PCDHGA11: variants seen among roughly 807,000 people sequenced by gnomAD.
PCDHGA11 encodes the protein protocadherin gamma subfamily A, 11.
PCDHGA11 carries 39 observed loss-of-function variants against 60.4 expected under a neutral mutation model. The ratio of observed to expected loss-of-function variants is 0.65; its 90% CI spans 0.50 to 0.84. The LOEUF is 0.84. Among genes scored for constraint, PCDHGA11 ranks in the 40% least tolerant of loss-of-function variants. The pLI is 0.00. For missense variants in PCDHGA11, 1,165 were observed against 1,197.7 expected (o/e 0.97, Z 0.40); for synonymous variants, 533 against 510.3 (o/e 1.04, Z -0.60).
At chr5:141,473,002 GAA>G (rs2099311273) in intron 1 of PCDHGA11, among the ~76,000 whole-genome samples, 1 of 143,872 alleles carries the variant, frequency 7.0e-6, no homozygotes, top group East Asian at 2.0e-4. Flanking sequence ...AAAAAAGAAA[GAA>G]AAAGAAAAAG....
chr5:141,472,465 A>C (rs886879646), intron 1 of PCDHGA11, among the ~76,000 whole-genome samples: 4 of 152,032 alleles, frequency 2.6e-5, no homozygotes, highest in Non-Finnish European at 5.9e-5. Flanking sequence ...GCTTGAACCC[A>C]GAAGGCAGAG....
At position 141,431,365 on chromosome 5, in the gene PCDHGA11, C is replaced by T. The variant is rs2097365932; in HGVS notation, c.2433+7705C>T. ...TGGTGCTGAAACGCGCCCTGGACCG[C>T]GAAGAAAAGGCTGCTCACCACCTGG... On this transcript the variant is annotated intron_variant, in intron 1 of 3. Coordinates refer to ENST00000398587, the MANE Select transcript of PCDHGA11 (RefSeq NM_018914.3). The surrounding 1 kb of genome is among the most constrained non-coding windows in gnomAD (Gnocchi z 4.8). 6 of 1,613,980 alleles carry T rather than the reference C, an allele frequency of 3.7e-6. No homozygotes were observed. Among genetic ancestry groups the T allele is most frequent in the Non-Finnish European group, 5.1e-6 (6 of 1,180,028 alleles).
chr5:141,475,908 A>G (rs531350638), intron 1 of PCDHGA11: 110 of 585,688 alleles, frequency 1.9e-4, no homozygotes, highest in Non-Finnish European at 2.5e-4. Context: ...CTGTCGGCCA[A>G]TGAAGACGCT....
At chr5:141,458,028 G>A (rs1363025110) in intron 1 of PCDHGA11, among the ~76,000 whole-genome samples, 2 of 152,122 alleles carry the variant, frequency 1.3e-5, no homozygotes, top group African/African-American at 4.8e-5. Flanking sequence ...ATTGTGTTCT[G>A]TTGACAAAGA....
At chr5:141,434,763 C>T (rs2097714876) in intron 1 of PCDHGA11, among the ~76,000 whole-genome samples, 1 of 151,296 alleles carries the variant, frequency 6.6e-6, no homozygotes, top group South Asian at 2.1e-4. Flanking sequence ...TTCCCCACTT[C>T]ACACTTCTAA....
chr5:141,432,974 C>T lies in PCDHGA11; in HGVS notation c.2433+9314C>T. ...CGGCTTGACAGGAGCGCCGGCGTCG[C>T]ACTTTGTGGGCGTGGACGGGGTGCA... On this transcript the variant is annotated intron_variant, in intron 1 of 3. Coordinates refer to ENST00000398587, the MANE Select transcript of PCDHGA11 (RefSeq NM_018914.3). This position sits in a 1 kb window ranked among gnomAD's most constrained non-coding sequence, Gnocchi z 6.0. 6.2e-7 allele frequency: 1 copy of T among 1,614,204 alleles called. No individual in the cohort carries two copies. Among genetic ancestry groups the T allele is most frequent in the Non-Finnish European group, 8.5e-7 (1 of 1,180,030 alleles).
At chr5:141,423,882 C>T in intron 1 of PCDHGA11, 3 of 1,282,372 alleles carry the variant, frequency 2.3e-6, no homozygotes, top group Non-Finnish European at 3.0e-6. Context: ...TCAATCTTGG[C>T]ATATTTTCTT....
In PCDHGA11 at chr5:141,438,327, A is replaced by G. The variant is rs369043587; in HGVS notation, c.2433+14667A>G. 1.5e-4 allele frequency among the ~76,000 whole-genome samples: 23 copies of G among 152,106 alleles called. No homozygotes were observed. The East Asian group carries it at 4.1e-3, about 27-fold the overall frequency. ...TTGGTACCACCATAATTTTTCTTAT[A>G]CATGTCATATAAGGATCTACTCTGT... On this transcript the variant is annotated intron_variant, in intron 1 of 3. Transcript: ENST00000398587.
chr5:141,445,825 G>A (rs1031190864), intron 1 of PCDHGA11, among the ~76,000 whole-genome samples: 8 of 152,124 alleles, frequency 5.3e-5, no homozygotes, highest in Non-Finnish European at 1.2e-4. Context: ...AATAAGGCAG[G>A]GAGAGCCTTG....
chr5:141,461,230 G>T (rs945407206), intron 1 of PCDHGA11, among the ~76,000 whole-genome samples: 2 of 152,024 alleles, frequency 1.3e-5, no homozygotes, highest in African/African-American at 4.8e-5. Flanking sequence ...TTCCATAGAG[G>T]TTGTACTAAT....
chr5:141,463,965 C>T (rs1207852177), intron 1 of PCDHGA11, among the ~76,000 whole-genome samples: 1 of 151,648 alleles, frequency 6.6e-6, no homozygotes, highest in African/African-American at 2.4e-5. Context: ...AAAATAGCTT[C>T]ATAAAACTCC....
Position 141,421,450 on chromosome 5 carries a change from C to A in PCDHGA11, c.223C>A (p.Leu75Ile), listed in dbSNP as rs1193440607. Residue 75 changes from leucine (L) to isoleucine (I), a missense_variant, in exon 1 of 4, where the codon CTT (leucine) becomes ATT (isoleucine). Coordinates refer to ENST00000398587, the MANE Select transcript of PCDHGA11 (RefSeq NM_018914.3). ...VRIVSRGKTQLFAVNPRSGSL... is the reference protein window; with the variant it reads ...VRIVSRGKTQIFAVNPRSGSL... ...CATCGTCTCCAGAGGGAAGACACAG[C>A]TTTTCGCTGTGAATCCGCGAAGCGG... is the stretch of plus-strand genomic sequence containing the variant. The A allele has an allele frequency of 2.5e-6, 4 of 1,614,126 alleles. No individual in the cohort carries two copies. Among genetic ancestry groups the A allele is most frequent in the Non-Finnish European group, 3.4e-6 (4 of 1,179,936 alleles).
chr5:141,432,053 C>T lies in PCDHGA11; in HGVS notation c.2433+8393C>T. The T allele has an allele frequency of 6.2e-7, 1 of 1,614,240 alleles. No homozygotes were observed. Among genetic ancestry groups the T allele is most frequent in the South Asian group, 1.1e-5 (1 of 91,082 alleles). ...CGCCACTGACCGGGGAACCCCGCCC[C>T]TATCCACGGAAACTCATATCTCGCT... On this transcript the variant is annotated intron_variant, in intron 1 of 3. Transcript: ENST00000398587. The surrounding 1 kb of genome is among the most constrained non-coding windows in gnomAD (Gnocchi z 6.0).
Position 141,477,584 on chromosome 5 carries a change from G to A in PCDHGA11, c.2434-17223G>A. 5 of 1,614,148 alleles carry A rather than the reference G, an allele frequency of 3.1e-6. No homozygotes were observed. Among genetic ancestry groups the A allele is most frequent in the Non-Finnish European group, 4.2e-6 (5 of 1,180,032 alleles). On this transcript the variant is annotated intron_variant, in intron 1 of 3. Coordinates refer to ENST00000398587, the MANE Select transcript of PCDHGA11 (RefSeq NM_018914.3). This position sits in a 1 kb window ranked among gnomAD's most constrained non-coding sequence, Gnocchi z 4.9. ...CTGGGACCCCGACGCCCCGCAGAAT[G>A]CTCGGCTTTCTTTCTTTCTCTTGGA...
At chr5:141,505,085 C>A (rs954289918) in intron 2 of PCDHGA11, among the ~76,000 whole-genome samples, 1 of 152,162 alleles carries the variant, frequency 6.6e-6, no homozygotes, top group Non-Finnish European at 1.5e-5. Context: ...TCGCTTGAAC[C>A]CAGGAGGTGG....
Position 141,477,426 on chromosome 5 carries a change from T to G in PCDHGA11, c.2434-17381T>G. 1 of 1,614,100 alleles carries G rather than the reference T, an allele frequency of 6.2e-7. No individual in the cohort carries two copies. Among genetic ancestry groups the G allele is most frequent in the East Asian group, 2.2e-5 (1 of 44,874 alleles). The stretch of plus-strand genomic sequence containing the variant: ...GCCCGAGACGCCGGAACCCCTTCCC[T>G]CTCAGCCCTTACAATAGTGCGTGTT... On this transcript the variant is annotated intron_variant, in intron 1 of 3. Coordinates refer to ENST00000398587, the MANE Select transcript of PCDHGA11 (RefSeq NM_018914.3). The surrounding 1 kb of genome is among the most constrained non-coding windows in gnomAD (Gnocchi z 4.9).
At chr5:141,494,305 C>T (rs544773836) in intron 1 of PCDHGA11, among the ~76,000 whole-genome samples, 1 of 152,346 alleles carries the variant, frequency 6.6e-6, no homozygotes, top group East Asian at 1.9e-4. Context: ...GAATGTGTCA[C>T]TGCACAACCT....
At position 141,510,984 on chromosome 5, in the gene PCDHGA11, C is replaced by T. The variant is rs375865663; in HGVS notation, c.2619C>T (p.Ala873=). The change falls in exon 4 of 4, where the codon GCC becomes GCT. Residue 873 remains alanine (A), a synonymous_variant. Coordinates refer to ENST00000398587, the MANE Select transcript of PCDHGA11 (RefSeq NM_018914.3). ...GGAGCTCCACCCTGGGAGGGGGTGC[C>T]GGCACCATGGGATTGAGCGCCCGCT... The part of the protein sequence containing the change: ...ADGSSTLGGG[A]GTMGLSARYG... 20 of 1,614,044 alleles carry T rather than the reference C, an allele frequency of 1.2e-5. No homozygotes were observed. The East Asian group carries it at 1.6e-4, about 13-fold the overall frequency.
intron 2 of PCDHGA11, among the ~76,000 whole-genome samples, chr5:141,505,145 G>A (rs540889707): frequency 1.3e-5 from 2 of 152,288 alleles, no homozygotes; most frequent in East Asian, 3.9e-4. Flanking sequence ...CTGGATGACA[G>A]AGTAAGACCC....
Sources: gnomAD v4.1 joint callset for allele counts (sites outside exome capture counted in the v4.1 genomes callset) on GRCh38, gnomAD v4.1.1 for gene constraint, Gnocchi (gnomAD v3.1) non-coding constraint, MANE v1.5 for transcripts, NCBI Gene and HGNC (gene_info 2026-07-23, HGNC 2026-07-21) for gene names.